Variants in UTRN observed in about 807,000 individuals in gnomAD.
UTRN encodes dystrophin-related protein 1.
In UTRN, 283 loss-of-function variants were observed where a neutral mutation model predicts 463.9. The observed-to-expected ratio is 0.61, with a 90% CI of 0.55 to 0.67. The LOEUF (loss-of-function observed/expected upper bound fraction) is 0.67. Among genes scored for constraint, UTRN ranks in the 30% least tolerant of loss-of-function variants. The pLI, the probability that UTRN is intolerant of heterozygous loss-of-function variation, is 0.00. For missense variants in UTRN, 3,922 were observed against 4,084.3 expected, an observed-to-expected ratio of 0.96 and a Z score of 1.08; for synonymous variants, 1,442 against 1,431.5, an observed-to-expected ratio of 1.01 and a Z score of -0.17.
chr6:144,771,759 G>A (rs1794048264), intron 58 of UTRN, 148 bp from the exon 59 acceptor site: 1 of 571,890 alleles, frequency 1.7e-6, no homozygotes, highest in Non-Finnish European at 2.9e-6. Flanking sequence ...TTGGGCATTG[G>A]GTTTCTGAAT....
intron 46 of UTRN, among the ~76,000 whole-genome samples, chr6:144,544,857 T>C (rs984134770): frequency 6.6e-6 from 1 of 152,130 alleles, no homozygotes; most frequent in African/African-American, 2.4e-5. Flanking sequence ...GATCCCATAT[T>C]CTCTGGGCTG....
intron 51 of UTRN, among the ~76,000 whole-genome samples, chr6:144,599,967 C>T (rs141964560): frequency 1.8e-4 from 27 of 152,180 alleles, no homozygotes; most frequent in African/African-American, 5.5e-4. Context: ...TGCAATATTT[C>T]GAACTTTTTC....
rs373225186 is a variant in UTRN, at chr6:144,344,557, C to A, written c.79+52650C>A. 7.9e-5 allele frequency among the ~76,000 whole-genome samples: 12 copies of A among 152,252 alleles called. No homozygotes were observed. The South Asian group carries it at 2.3e-3, about 29-fold the overall frequency. ...GAGTTATTAGTTTCTTTGGAAGAAG[C>A]CTTCCAGGATCCCTATATTTGTGGT... On this transcript the variant is annotated intron_variant, in intron 2 of 74. Coordinates refer to ENST00000367545, the MANE Select transcript of UTRN (RefSeq NM_007124.3).
chr6:144,491,025 G>T lies in UTRN; in HGVS notation c.4360G>T (p.Val1454Leu). The T allele has an allele frequency of 6.2e-7, 1 of 1,613,968 alleles. No homozygotes were observed. The highest frequency in any genetic ancestry group is 8.5e-7 in the Non-Finnish European group (1 of 1,179,936). The change falls in exon 32 of 75, where the codon GTG becomes TTG. Residue 1454 changes from valine (V) to leucine (L), a missense_variant. Physicochemically the swap from Val to Leu is conservative, Grantham distance 32 (BLOSUM62 1). This residue lies in a region of UTRN where 2,349 missense variants were observed against 2,303.8 expected (regional missense o/e 1.02). Coordinates refer to ENST00000367545, the MANE Select transcript of UTRN (RefSeq NM_007124.3). The stretch of plus-strand genomic sequence containing the variant: ...GGACTGCAAGCGTGTGCTGGATGGC[G>T]TGAAAGCAGAACTTCACGTTCTGGA... The part of the protein sequence containing the change: ...MLDCKRVLDG[V>L]KAELHVLDVK...
At chr6:144,840,004 A>G (rs978125645) in intron 72 of UTRN, among the ~76,000 whole-genome samples, 4 of 152,134 alleles carry the variant, frequency 2.6e-5, no homozygotes, top group Admixed American at 1.3e-4. Flanking sequence ...TTGGGAGGCC[A>G]TGGTGAAACC....
intron 41 of UTRN, among the ~76,000 whole-genome samples, chr6:144,527,790 C>G (rs555128324): frequency 7.2e-5 from 11 of 152,100 alleles, no homozygotes; most frequent in Non-Finnish European, 8.8e-5. Flanking sequence ...CTGAGACTTT[C>G]CAGTGCATTT....
intron 65 of UTRN, among the ~76,000 whole-genome samples, chr6:144,817,959 A>G (rs1779231388): frequency 6.6e-6 from 1 of 152,092 alleles, no homozygotes; most frequent in African/African-American, 2.4e-5. Context: ...GTTGTTTGTT[A>G]TTTTGTGCAT....
intron 57 of UTRN, among the ~76,000 whole-genome samples, chr6:144,756,305 A>G (rs145462626): frequency 5.3e-5 from 8 of 152,296 alleles, no homozygotes; most frequent in Admixed American, 3.9e-4. Flanking sequence ...ATGAAATGCT[A>G]TACTTTCACC....
intron 2 of UTRN, among the ~76,000 whole-genome samples, chr6:144,293,687 A>G (rs1460664624): frequency 1.3e-5 from 2 of 152,130 alleles, no homozygotes; most frequent in Non-Finnish European, 2.9e-5. Context: ...GAAAAGATCA[A>G]AAGTTCTAGG....
chr6:144,724,042 A>G (rs1396168985), intron 53 of UTRN, among the ~76,000 whole-genome samples: 2 of 150,834 alleles, frequency 1.3e-5, no homozygotes, highest in African/African-American at 4.9e-5. Context: ...AAGAAAAAAA[A>G]GAAACAAATT....
chr6:144,357,648 T>A (rs184765688), intron 2 of UTRN, among the ~76,000 whole-genome samples: 1 of 152,272 alleles, frequency 6.6e-6, no homozygotes, highest in East Asian at 1.9e-4. Context: ...CAGATAAAAA[T>A]CCCCCCACTT....
In UTRN at chr6:144,308,524, C is replaced by G. The variant is rs1019554854; in HGVS notation, c.79+16617C>G. The stretch of plus-strand genomic sequence containing the variant: ...CCCAGGCTGGTCTCAAACTCCTGGG[C>G]TCAAGCAATCCATCCACCTCAGCCT... On this transcript the variant is annotated intron_variant, in intron 2 of 74. Coordinates refer to ENST00000367545, the MANE Select transcript of UTRN (RefSeq NM_007124.3). 3.3e-5 allele frequency among the ~76,000 whole-genome samples: 5 copies of G among 152,108 alleles called. No homozygotes were observed. The South Asian group carries it at 6.2e-4, about 19-fold the overall frequency.
intron 2 of UTRN, among the ~76,000 whole-genome samples, chr6:144,348,705 C>T (rs1311917816): frequency 3.3e-5 from 5 of 152,076 alleles, no homozygotes; most frequent in Admixed American, 3.3e-4. Context: ...GAGGCCGAGG[C>T]GGGCAGATCA....
intron 19 of UTRN, among the ~76,000 whole-genome samples, chr6:144,458,203 C>T (rs1789065321): frequency 6.6e-6 from 1 of 152,150 alleles, no homozygotes; most frequent in African/African-American, 2.4e-5. Flanking sequence ...GCAAGGTCTC[C>T]AGTGGGCTTG....
intron 7 of UTRN, among the ~76,000 whole-genome samples, chr6:144,427,013 A>G (rs957587053): frequency 5.9e-5 from 9 of 152,200 alleles, no homozygotes; most frequent in Non-Finnish European, 8.8e-5. Flanking sequence ...CAATATACAC[A>G]CCAATATAAG....
At position 144,429,683 on chromosome 6, in the gene UTRN, T is replaced by C; in HGVS notation, c.797T>C (p.Val266Ala). ...GTCACCATAGACGCCATCCGTGAGG[T>C]AGAGACACTCCCAAGGAAATATAAA... The part of the protein sequence containing the change: ...QQVTIDAIRE[V>A]ETLPRKYKKE... The change falls in exon 9 of 75, where the codon GTA becomes GCA. Residue 266 changes from valine to alanine, a missense_variant. Val to Ala is a moderately conservative substitution (Grantham distance 64, BLOSUM62 0). This residue lies in a region of UTRN where 264 missense variants were observed against 327.9 expected (regional missense o/e 0.81). Transcript: ENST00000367545. 6.2e-7 allele frequency: 1 copy of C among 1,613,078 alleles called. No homozygotes were observed. The highest frequency in any genetic ancestry group is 8.5e-7 in the Non-Finnish European group (1 of 1,179,520).
At chr6:144,631,764 TA>T (rs1003698732) in intron 51 of UTRN, among the ~76,000 whole-genome samples, 44 of 152,248 alleles carry the variant, frequency 2.9e-4, no homozygotes, top group African/African-American at 1.0e-3. Flanking sequence ...TTCCTTCTAT[TA>T]AAAAAAGTTT....
At chr6:144,361,363 T>A (rs1779061734) in intron 2 of UTRN, among the ~76,000 whole-genome samples, 1 of 152,196 alleles carries the variant, frequency 6.6e-6, no homozygotes, top group African/African-American at 2.4e-5. Flanking sequence ...TTTGAGCTAA[T>A]TATTAATGCT....
chr6:144,579,802 G>A (rs943033119), intron 51 of UTRN, among the ~76,000 whole-genome samples: 9 of 152,040 alleles, frequency 5.9e-5, no homozygotes, highest in South Asian at 2.1e-4. Flanking sequence ...GTAATAAAGA[G>A]GACATTTACT....
Sources: allele counts gnomAD v4.1 joint callset (sites outside exome capture counted in the v4.1 genomes callset), GRCh38; gene constraint gnomAD v4.1.1; regional missense constraint gnomAD v4.1.1; transcripts MANE v1.5; gene names NCBI Gene and HGNC (gene_info 2026-07-23, HGNC 2026-07-21).